ARMH3: variants seen among roughly 807,000 people sequenced by gnomAD.
ARMH3 encodes the protein armadillo like helical domain containing 3.
A neutral mutation model predicts 99.1 loss-of-function variants in ARMH3; 60 were observed. The ratio of observed to expected loss-of-function variants is 0.61; its 90% CI spans 0.49 to 0.75. ARMH3 has a LOEUF of 0.75. Ranked by LOEUF, ARMH3 falls within the 30% of genes least tolerant of loss-of-function variation. ARMH3 has a pLI of 0.00. For missense variants in ARMH3, 679 were observed against 843.1 expected (o/e 0.81, Z 2.41); for synonymous variants, 285 against 292.8 (o/e 0.97, Z 0.27).
At chr10:101,886,588 T>C (rs1026426086) in intron 24 of ARMH3, among the ~76,000 whole-genome samples, 6 of 152,320 alleles carry the variant, frequency 3.9e-5, no homozygotes, top group Admixed American at 6.5e-5. Flanking sequence ...TCACGAATGA[T>C]GAAGCCAATG....
At chr10:102,010,128 G>A in intron 11 of ARMH3, 105 bp from the exon 12 acceptor site, 2 of 1,048,822 alleles carry the variant, frequency 1.9e-6, no homozygotes, top group South Asian at 2.8e-5. Context: ...GCTTCCACCT[G>A]GGGAGAACTT....
intron 23 of ARMH3, among the ~76,000 whole-genome samples, chr10:101,890,061 A>G (rs1396972799): frequency 6.6e-6 from 1 of 152,108 alleles, no homozygotes; most frequent in Non-Finnish European, 1.5e-5. Context: ...CTACCTCTTA[A>G]AAATCTCTGA....
At chr10:101,975,049 TAAAAAAAAAAAA>T (rs11399489) in intron 20 of ARMH3, among the ~76,000 whole-genome samples, 151 bp downstream of exon 20, 5 of 29,670 alleles carry the variant, frequency 1.7e-4, no homozygotes, top group African/African-American at 6.9e-4. Flanking sequence ...AGCTAAAACG[TAAAAAAAAAAAA>T]AAAAAAAAAA....
At chr10:101,853,791 A>C (rs2066666773) in intron 24 of ARMH3, among the ~76,000 whole-genome samples, 1 of 152,170 alleles carries the variant, frequency 6.6e-6, no homozygotes, top group Non-Finnish European at 1.5e-5. Context: ...GGAGACAGAC[A>C]CTTGGGTCTT....
At chr10:101,929,385 AATGT>A (rs1167156761) in intron 23 of ARMH3, among the ~76,000 whole-genome samples, 4 of 152,374 alleles carry the variant, frequency 2.6e-5, no homozygotes, top group East Asian at 3.9e-4. Flanking sequence ...CCACAAAGGA[AATGT>A]ATGTATCTAA....
chr10:101,986,350 G>A (rs894271023), intron 19 of ARMH3, among the ~76,000 whole-genome samples: 2 of 152,104 alleles, frequency 1.3e-5, no homozygotes, highest in African/African-American at 2.4e-5. Flanking sequence ...TCCTGTGGTG[G>A]CAGTGAGAGT....
chr10:102,014,534 C>T (rs1418013545), intron 8 of ARMH3, among the ~76,000 whole-genome samples: 3 of 152,168 alleles, frequency 2.0e-5, no homozygotes, highest in Admixed American at 6.5e-5. Flanking sequence ...TTCACCCACC[C>T]GTAAAGCAAA....
chr10:101,925,595 A>T (rs1843477505), intron 23 of ARMH3, among the ~76,000 whole-genome samples: 1 of 152,228 alleles, frequency 6.6e-6, no homozygotes, highest in African/African-American at 2.4e-5. Flanking sequence ...AGACTGCAAC[A>T]TATGAGATAC....
chr10:101,915,516 A>G (rs776593569), intron 23 of ARMH3, among the ~76,000 whole-genome samples: 4 of 152,182 alleles, frequency 2.6e-5, no homozygotes, highest in Non-Finnish European at 5.9e-5. Context: ...ATAGTTTGGC[A>G]TTTGGGAAGG....
intron 20 of ARMH3, among the ~76,000 whole-genome samples, chr10:101,966,305 T>G (rs1365322208): frequency 8.0e-5 from 11 of 138,112 alleles, no homozygotes; most frequent in East Asian, 2.0e-4. Flanking sequence ...TTTTTTTTTT[T>G]TTTTTTTTTG....
intron 20 of ARMH3, among the ~76,000 whole-genome samples, chr10:101,972,523 G>A (rs1038375246): frequency 3.9e-5 from 6 of 152,200 alleles, no homozygotes; most frequent in Non-Finnish European, 7.3e-5. Context: ...GGCAAAGAAA[G>A]AGTGAAAACA....
At chr10:101,978,566 G>C (rs568933546) in intron 19 of ARMH3, among the ~76,000 whole-genome samples, 202 of 152,278 alleles carry the variant, frequency 1.3e-3, no homozygotes, top group South Asian at 3.3e-3. Flanking sequence ...GGGAGGCCAA[G>C]GCAGGAGGAT....
At chr10:102,050,656 G>A (rs925684641) in intron 1 of ARMH3, among the ~76,000 whole-genome samples, 2 of 150,522 alleles carry the variant, frequency 1.3e-5, no homozygotes, top group Non-Finnish European at 3.0e-5. Context: ...TCGGGAGTTC[G>A]AAACCAGCCT....
intron 20 of ARMH3, among the ~76,000 whole-genome samples, chr10:101,964,488 T>C (rs1845448465): frequency 6.6e-6 from 1 of 152,058 alleles, no homozygotes; most frequent in Non-Finnish European, 1.5e-5. Context: ...CAAATGTCCA[T>C]CAAAAGATGA....
At chr10:101,964,980 C>A (rs1845472714) in intron 20 of ARMH3, among the ~76,000 whole-genome samples, 1 of 152,038 alleles carries the variant, frequency 6.6e-6, no homozygotes, top group South Asian at 2.1e-4. Flanking sequence ...CCACTGCACT[C>A]CCACCTGGGT....
At chr10:101,966,861 C>G (rs1213253470) in intron 20 of ARMH3, among the ~76,000 whole-genome samples, 1 of 152,140 alleles carries the variant, frequency 6.6e-6, no homozygotes, top group East Asian at 1.9e-4. Flanking sequence ...ACAAGCCAAC[C>G]ACAGGAAGAC....
intron 24 of ARMH3, among the ~76,000 whole-genome samples, chr10:101,861,411 CA>C (rs1315994894): frequency 6.6e-6 from 1 of 152,022 alleles, no homozygotes; most frequent in East Asian, 1.9e-4. Flanking sequence ...AATGTGTTGC[CA>C]AAAGTCCTGT....
intron 24 of ARMH3, among the ~76,000 whole-genome samples, chr10:101,858,709 T>C (rs960014020): frequency 6.6e-6 from 1 of 152,168 alleles, no homozygotes; most frequent in Non-Finnish European, 1.5e-5. Context: ...GTTCGTGCAT[T>C]AGCAGGTGGA....
intron 22 of ARMH3, among the ~76,000 whole-genome samples, chr10:101,953,542 CTT>C (rs35546669): frequency 6.9e-4 from 81 of 117,780 alleles, no homozygotes; most frequent in East Asian, 1.2e-3. Flanking sequence ...CGTGCCCAGC[CTT>C]TTTTTTTTTT....
Sources: allele counts gnomAD v4.1 joint callset (sites outside exome capture counted in the v4.1 genomes callset), GRCh38; gene constraint gnomAD v4.1.1; transcripts MANE v1.5; gene names NCBI Gene and HGNC (gene_info 2026-07-23, HGNC 2026-07-21).